NTM: variants seen among roughly 807,000 people sequenced by gnomAD.
NTM encodes IgLON family member 2.
In NTM, 13 loss-of-function variants were observed where a neutral mutation model predicts 42.1. The observed-to-expected ratio is 0.31, with a 90% CI of 0.20 to 0.49. The LOEUF is 0.49. Ranked by LOEUF, NTM falls within the 20% of genes least tolerant of loss-of-function variation. NTM has a pLI of 0.99. For synonymous variants in NTM, 187 were observed against 179.2 expected (o/e 1.04, Z -0.35); for missense variants, 373 against 452.8 (o/e 0.82, Z 1.60).
At chr11:131,995,058 C>T (rs2067740174) in intron 2 of NTM, among the ~76,000 whole-genome samples, 1 of 152,168 alleles carries the variant, frequency 6.6e-6, no homozygotes, top group Non-Finnish European at 1.5e-5. Context: ...AGCCAGACTG[C>T]CTGCCTTAGA....
chr11:131,826,232 G>A (rs1027250170), intron 1 of NTM, among the ~76,000 whole-genome samples: 1 of 152,114 alleles, frequency 6.6e-6, no homozygotes, highest in Non-Finnish European at 1.5e-5. Context: ...AATGAGATGG[G>A]GCAGAGGAGG....
chr11:132,283,818 A>G (rs1048204534), intron 4 of NTM, among the ~76,000 whole-genome samples: 2 of 152,060 alleles, frequency 1.3e-5, no homozygotes, highest in Non-Finnish European at 2.9e-5. Flanking sequence ...CTTTAGAGGG[A>G]AAGTGGAAAT....
intron 2 of NTM, among the ~76,000 whole-genome samples, chr11:132,074,021 A>T (rs1256482274): frequency 6.6e-6 from 1 of 152,196 alleles, no homozygotes; most frequent in Non-Finnish European, 1.5e-5. Flanking sequence ...GGCAGTTCTA[A>T]TTGGCTGAGG....
intron 4 of NTM, among the ~76,000 whole-genome samples, chr11:132,247,447 T>C (rs775928382): frequency 6.6e-6 from 1 of 152,224 alleles, no homozygotes; most frequent in Non-Finnish European, 1.5e-5. Flanking sequence ...TGAGGAAATA[T>C]ATACGTGCTA....
Position 131,869,432 on chromosome 11 carries a change from A to G in NTM, c.83-42132A>G, listed in dbSNP as rs1277384819. On this transcript the variant is annotated intron_variant, in intron 1 of 8. Transcript: ENST00000683400. ...CCTTCGGGGTAGATGTGGAAGCAAT[A>G]TAAGAGTGAAGAAGTTCTACTGTCT... Among the ~76,000 whole-genome samples, 8 of 152,334 alleles carry G rather than the reference A, an allele frequency of 5.3e-5. No individual in the cohort carries two copies. The East Asian group carries it at 9.6e-4, about 18-fold the overall frequency.
intron 1 of NTM, among the ~76,000 whole-genome samples, chr11:131,708,228 A>G (rs1443684267): frequency 6.6e-6 from 1 of 152,176 alleles, no homozygotes; most frequent in Non-Finnish European, 1.5e-5. Context: ...CTAATAAGAA[A>G]AAACATGAAT....
At chr11:131,459,631 C>A (rs917525401) in intron 1 of NTM, among the ~76,000 whole-genome samples, 2 of 152,130 alleles carry the variant, frequency 1.3e-5, no homozygotes, top group Non-Finnish European at 2.9e-5. Context: ...TACCTAGTTA[C>A]TTGTGAAGAA....
chr11:131,998,299 G>A (rs1421764814), intron 2 of NTM, among the ~76,000 whole-genome samples: 2 of 152,192 alleles, frequency 1.3e-5, no homozygotes, highest in Non-Finnish European at 2.9e-5. Context: ...TGGCTGCTCA[G>A]CACGGAGGTA....
intron 3 of NTM, among the ~76,000 whole-genome samples, chr11:132,159,060 A>G (rs1290986507): frequency 3.9e-5 from 6 of 152,216 alleles, no homozygotes; most frequent in Non-Finnish European, 1.5e-5. Flanking sequence ...GTTGTATTTC[A>G]GAAAGATCTC....
chr11:132,289,583 A>G (rs2094383844), intron 4 of NTM, among the ~76,000 whole-genome samples: 1 of 152,164 alleles, frequency 6.6e-6, no homozygotes, highest in South Asian at 2.1e-4. Flanking sequence ...CATAACCTTA[A>G]TGTTACAAAT....
At chr11:132,155,494 G>T (rs575837782) in intron 3 of NTM, among the ~76,000 whole-genome samples, 15 of 152,284 alleles carry the variant, frequency 9.9e-5, no homozygotes, top group African/African-American at 3.1e-4. Flanking sequence ...CCCAGAAACC[G>T]GTCTGGGTCG....
chr11:132,196,480 A>G (rs187279731), intron 3 of NTM, among the ~76,000 whole-genome samples: 7 of 152,306 alleles, frequency 4.6e-5, no homozygotes, highest in African/African-American at 9.6e-5. Context: ...CACTAAAAAA[A>G]AAATACACTC....
In NTM at chr11:132,268,664, C is replaced by CTGTG. The variant is rs1396992687; in HGVS notation, c.527-39024_527-39023insGTGT. On this transcript the variant is annotated intron_variant, in intron 4 of 8. Coordinates refer to ENST00000683400, the MANE Select transcript of NTM (RefSeq NM_001352005.2). ...GTGTTTGTGGTGTGGGGTCCTCTCTCTCTCTCTGTGTGTGTGTGTGTGTGT... is the reference window on the plus strand; with the variant it reads ...GTGTTTGTGGTGTGGGGTCCTCTCTCTGTGTCTCTCTGTGTGTGTGTGTGTGTGT... Among the ~76,000 whole-genome samples the CTGTG allele has an allele frequency of 1.3e-3, 73 of 57,154 alleles. 1 individual carries two copies. The highest frequency in any genetic ancestry group is 7.6e-3 in the East Asian group (30 of 3,952). 37.5% of individuals were successfully genotyped at this position (57,154 alleles called of 152,430 possible).
At chr11:132,308,840 A>G (rs1483809965) in intron 5 of NTM, among the ~76,000 whole-genome samples, 3 of 152,208 alleles carry the variant, frequency 2.0e-5, no homozygotes, top group African/African-American at 2.4e-5. Flanking sequence ...TACAGTTTAT[A>G]AAGATGAACT....
intron 1 of NTM, among the ~76,000 whole-genome samples, chr11:131,471,784 C>T (rs566415142): frequency 1.3e-5 from 2 of 152,210 alleles, no homozygotes; most frequent in African/African-American, 2.4e-5. Context: ...AGAGCTGCTC[C>T]TGGAGGTTCT....
intron 1 of NTM, among the ~76,000 whole-genome samples, chr11:131,874,020 A>G (rs143310325): frequency 0.017 from 1,237 of 73,300 alleles, 53 homozygotes; most frequent in African/African-American, 0.043. Context: ...ATATTTATAT[A>G]ATATAATATA....
chr11:131,979,207 G>GA (rs1238280721), intron 2 of NTM, among the ~76,000 whole-genome samples: 1 of 152,130 alleles, frequency 6.6e-6, no homozygotes, highest in Non-Finnish European at 1.5e-5. Flanking sequence ...GAAAGTCAAG[G>GA]TTACCCAGTC....
intron 4 of NTM, among the ~76,000 whole-genome samples, chr11:132,272,606 T>C (rs934591320): frequency 2.6e-5 from 4 of 152,186 alleles, no homozygotes; most frequent in Non-Finnish European, 5.9e-5. Flanking sequence ...TTAAATTTAT[T>C]GCTAAGCATT....
At chr11:132,112,599 G>T (rs2063354608) in intron 2 of NTM, among the ~76,000 whole-genome samples, 1 of 152,052 alleles carries the variant, frequency 6.6e-6, no homozygotes, top group South Asian at 2.1e-4. Context: ...CCAAGAGGCG[G>T]CCTTCCACTA....
Sources: allele counts gnomAD v4.1 joint callset (sites outside exome capture counted in the v4.1 genomes callset), GRCh38; gene constraint gnomAD v4.1.1; transcripts MANE v1.5; gene names NCBI Gene and HGNC (gene_info 2026-07-23, HGNC 2026-07-21).